Variants in CFAP61 observed in about 807,000 individuals in gnomAD.
CFAP61 encodes the protein cilia- and flagella-associated protein 61.
Under a neutral mutation model 135.6 loss-of-function variants are expected in CFAP61, and 107 were observed. The ratio of observed to expected loss-of-function variants is 0.79; its 90% CI spans 0.67 to 0.93. The LOEUF is 0.93. Ranked by LOEUF, CFAP61 falls within the 40% of genes least tolerant of loss-of-function variation. The pLI is 0.00. For synonymous variants in CFAP61, 575 were observed against 578.5 expected (o/e 0.99, Z 0.09); for missense variants, 1,507 against 1,556.2 (o/e 0.97, Z 0.53).
intron 8 of CFAP61, among the ~76,000 whole-genome samples, chr20:20,126,920 C>CT (rs1398171262): frequency 5.9e-5 from 9 of 151,376 alleles, no homozygotes; most frequent in African/African-American, 2.2e-4. Flanking sequence ...TTTTATTATT[C>CT]TTTTTTCTTT....
At chr20:20,295,185 C>A (rs2055325367) in intron 24 of CFAP61, among the ~76,000 whole-genome samples, 1 of 152,078 alleles carries the variant, frequency 6.6e-6, no homozygotes, top group Non-Finnish European at 1.5e-5. Flanking sequence ...CAGCCTCGGC[C>A]ACGTACATGG....
chr20:20,265,106 T>C (rs1210163429), intron 21 of CFAP61, among the ~76,000 whole-genome samples: 4 of 152,202 alleles, frequency 2.6e-5, no homozygotes, highest in Non-Finnish European at 5.9e-5. Context: ...TACCATTTCA[T>C]GAAGTCCAGA....
chr20:20,229,555 G>A (rs955034084), intron 18 of CFAP61, among the ~76,000 whole-genome samples: 1 of 152,122 alleles, frequency 6.6e-6, no homozygotes, highest in African/African-American at 2.4e-5. Flanking sequence ...CTCAGGACAG[G>A]TGGGGCCTTG....
intron 25 of CFAP61, among the ~76,000 whole-genome samples, chr20:20,336,449 C>T (rs934894799): frequency 1.3e-5 from 2 of 151,878 alleles, no homozygotes; most frequent in Admixed American, 1.3e-4. Context: ...GGCAAGACCC[C>T]GTTTCTGAAA....
intron 25 of CFAP61, among the ~76,000 whole-genome samples, chr20:20,300,572 A>G (rs1474550876): frequency 6.6e-6 from 1 of 151,774 alleles, no homozygotes; most frequent in Non-Finnish European, 1.5e-5. Context: ...GTGTATAGCT[A>G]TACAATGTGC....
intron 20 of CFAP61, chr20:20,253,765 G>C (rs1353279004): frequency 4.0e-6 from 1 of 248,736 alleles, no homozygotes; most frequent in African/African-American, 2.3e-5. Context: ...CAGTTTCACA[G>C]GTGTTCTTCA....
chr20:20,163,768 C>T (rs1263507600), intron 10 of CFAP61, among the ~76,000 whole-genome samples: 1 of 152,064 alleles, frequency 6.6e-6, no homozygotes. Flanking sequence ...CTCTCCCTCC[C>T]TTTCCCCCCG....
At chr20:20,327,536 A>G (rs1170973194) in intron 25 of CFAP61, among the ~76,000 whole-genome samples, 2 of 152,178 alleles carry the variant, frequency 1.3e-5, no homozygotes, top group Admixed American at 6.5e-5. Flanking sequence ...AATGGCTGGC[A>G]TGAGCTCTCA....
chr20:20,229,212 C>T (rs2048951975), intron 18 of CFAP61, among the ~76,000 whole-genome samples: 2 of 152,144 alleles, frequency 1.3e-5, no homozygotes, highest in Admixed American at 6.5e-5. Flanking sequence ...ACTTGAGCAC[C>T]TCTTTAATAG....
At chr20:20,088,150 C>T (rs891879831) in intron 6 of CFAP61, among the ~76,000 whole-genome samples, 2 of 152,142 alleles carry the variant, frequency 1.3e-5, no homozygotes, top group African/African-American at 4.8e-5. Flanking sequence ...CCTGCTGATG[C>T]CCTTGCATCA....
chr20:20,204,542 C>G (rs1204524388), intron 17 of CFAP61, among the ~76,000 whole-genome samples: 5 of 152,170 alleles, frequency 3.3e-5, no homozygotes, highest in African/African-American at 1.2e-4. Context: ...GATACTGTTT[C>G]ACTTGTGCAT....
chr20:20,245,508 C>G (rs953109439), intron 18 of CFAP61, among the ~76,000 whole-genome samples: 2 of 152,178 alleles, frequency 1.3e-5, no homozygotes, highest in African/African-American at 4.8e-5. Context: ...AAGACCTGTT[C>G]CCATGATTCG....
chr20:20,319,085 C>T (rs1489243666), intron 25 of CFAP61, among the ~76,000 whole-genome samples: 1 of 152,214 alleles, frequency 6.6e-6, no homozygotes, highest in African/African-American at 2.4e-5. Flanking sequence ...CCCTGATTCT[C>T]TATACAGCCT....
At chr20:20,329,320 T>C (rs1463584509) in intron 25 of CFAP61, among the ~76,000 whole-genome samples, 1 of 152,130 alleles carries the variant, frequency 6.6e-6, no homozygotes, top group South Asian at 2.1e-4. Context: ...GTCTCCACTT[T>C]AAAAAAGGAA....
intron 2 of CFAP61, among the ~76,000 whole-genome samples, chr20:20,064,030 T>TA (rs2045034199): frequency 1.0e-5 from 1 of 99,722 alleles, no homozygotes; most frequent in Admixed American, 1.1e-4. Flanking sequence ...CTAAATAGAG[T>TA]AACCGCCCCC....
At chr20:20,355,981 G>GCA (rs2059121415) in intron 26 of CFAP61, among the ~76,000 whole-genome samples, 1 of 21,146 alleles carries the variant, frequency 4.7e-5, no homozygotes, top group South Asian at 7.0e-3. Flanking sequence ...CACACTGTGA[G>GCA]GGGACGTCAC....
intron 25 of CFAP61, among the ~76,000 whole-genome samples, chr20:20,330,470 G>A (rs2122303028): frequency 6.6e-6 from 1 of 152,118 alleles, no homozygotes; most frequent in East Asian, 1.9e-4. Context: ...TGAGTAGTTG[G>A]GATTACAGGC....
intron 3 of CFAP61, 62 bp downstream of exon 3, chr20:20,071,066 T>G: frequency 6.5e-7 from 1 of 1,536,110 alleles, no homozygotes; most frequent in South Asian, 1.2e-5. Context: ...GTCCTGTGTT[T>G]GTGATTATGT....
intron 10 of CFAP61, among the ~76,000 whole-genome samples, chr20:20,161,006 T>G (rs547794487): frequency 6.6e-6 from 1 of 152,262 alleles, no homozygotes; most frequent in South Asian, 2.1e-4. Flanking sequence ...CAGCCTCCCC[T>G]TCCTCACCTC....
Sources: allele counts gnomAD v4.1 joint callset (sites outside exome capture counted in the v4.1 genomes callset), GRCh38; gene constraint gnomAD v4.1.1; transcripts MANE v1.5; gene names NCBI Gene and HGNC (gene_info 2026-07-23, HGNC 2026-07-21).